SYNJ2: variants seen among roughly 807,000 people sequenced by gnomAD.
SYNJ2 encodes polyphosphatidylinositol phosphatase SYNJ2.
SYNJ2 carries 116 observed loss-of-function variants against 141.3 expected under a neutral mutation model. The ratio of observed to expected loss-of-function variants is 0.82; its 90% CI spans 0.71 to 0.96. SYNJ2 has a LOEUF of 0.96. Among genes scored for constraint, SYNJ2 ranks in the 40% least tolerant of loss-of-function variants. The pLI is 0.00. For missense variants in SYNJ2, 1,873 were observed against 1,934.8 expected (o/e 0.97, Z 0.60); for synonymous variants, 745 against 777.7 (o/e 0.96, Z 0.70).
In SYNJ2 at chr6:158,033,519, A is replaced by T. The variant is rs1779480830; in HGVS notation, c.550A>T (p.Ile184Phe). The change falls in exon 4 of 27, where the codon ATC (isoleucine) becomes TTC (phenylalanine). Residue 184 changes from isoleucine to phenylalanine, a missense_variant. By Grantham distance (21) the Ile-to-Phe change is conservative (BLOSUM62 0). Coordinates refer to ENST00000355585, the MANE Select transcript of SYNJ2 (RefSeq NM_003898.4). Reference protein sequence around the residue: ...QVSCCDWLLKIICGVVTIRTV... With the variant: ...QVSCCDWLLKFICGVVTIRTV... ...GAGCTGCTGTGACTGGCTGCTGAAG[A>T]TCATCTGCGGGGTGGTCACCATCCG... 1 of 1,614,194 alleles carries T rather than the reference A, an allele frequency of 6.2e-7. No individual in the cohort carries two copies. The highest frequency in any genetic ancestry group is 8.5e-7 in the Non-Finnish European group (1 of 1,180,044).
chr6:158,028,647 A>T (rs550949629), intron 2 of SYNJ2, 109 bp from the exon 3 acceptor site: 1 of 1,442,262 alleles, frequency 6.9e-7, no homozygotes, highest in East Asian at 2.3e-5. Context: ...AGGTGCACAG[A>T]CGTTGCCTTC....
At chr6:158,039,809 A>G (rs1388727517) in intron 4 of SYNJ2, among the ~76,000 whole-genome samples, 51 of 152,178 alleles carry the variant, frequency 3.4e-4, no homozygotes, top group African/African-American at 1.2e-3. Context: ...CTCCAGTAGG[A>G]AGGAGGACTG....
intron 4 of SYNJ2, among the ~76,000 whole-genome samples, chr6:158,035,004 T>C (rs562247554): frequency 2.1e-4 from 32 of 152,304 alleles, no homozygotes; most frequent in Non-Finnish European, 4.0e-4. Context: ...TGTACGGCCT[T>C]ATTTCTGGGT....
chr6:158,094,406 A>C (rs1444714711), intron 26 of SYNJ2, among the ~76,000 whole-genome samples: 2 of 151,460 alleles, frequency 1.3e-5, no homozygotes, highest in Non-Finnish European at 2.9e-5. Flanking sequence ...AAAAAAAAAA[A>C]AAAAAAAAAA....
upstream of SYNJ2, among the ~76,000 whole-genome samples, chr6:157,981,702 G>A (rs1001547339): frequency 2.6e-5 from 4 of 151,790 alleles, no homozygotes; most frequent in African/African-American, 7.2e-5. This position sits in a 1 kb window ranked among gnomAD's most constrained non-coding sequence, Gnocchi z 6.4. Flanking sequence ...CCCGGGGCGC[G>A]GCCTCGCGCA....
rs1438646203 is a variant in SYNJ2, at chr6:158,064,911, A to G, written c.1445A>G (p.Lys482Arg). 8.1e-6 allele frequency: 13 copies of G among 1,613,812 alleles called. No homozygotes were observed. The highest frequency in any genetic ancestry group is 1.1e-5 in the Non-Finnish European group (13 of 1,179,896). The change falls in exon 11 of 27, where the codon AAG (lysine) becomes AGG (arginine). Residue 482 changes from lysine (K) to arginine (R), a missense_variant. By Grantham distance (26) the Lys-to-Arg change is conservative. Transcript: ENST00000355585. ...GACGGGGTGAAGCAGGAGGCCATCA[A>G]GCTGCTGCTGGTTGGGGACGTCTAC... ...FFDGVKQEAI[K>R]LLLVGDVYGE...
chr6:158,080,832 A>G (rs1023513058), intron 18 of SYNJ2, among the ~76,000 whole-genome samples: 6 of 152,190 alleles, frequency 3.9e-5, no homozygotes, highest in Admixed American at 3.3e-4. Flanking sequence ...TTCCCCCTCA[A>G]ATCATCTTTA....
intron 12 of SYNJ2, 121 bp from the exon 13 acceptor site, chr6:158,068,526 C>A: frequency 9.5e-7 from 1 of 1,056,126 alleles, no homozygotes; most frequent in Admixed American, 2.2e-5. Flanking sequence ...ATGGTAGCCA[C>A]CTGGAGTTGG....
intron 5 of SYNJ2, 62 bp from the exon 6 acceptor site, chr6:158,054,905 A>T: frequency 6.3e-7 from 1 of 1,575,194 alleles, no homozygotes. Flanking sequence ...AATGGGAAAA[A>T]CCATGGCCTC....
At chr6:158,012,441 C>T (rs73796725) in intron 1 of SYNJ2, among the ~76,000 whole-genome samples, 2,711 of 152,162 alleles carry the variant, frequency 0.018, 78 homozygotes, top group African/African-American at 0.062. Flanking sequence ...AAGAGGGATC[C>T]GATTGCCGCG....
At chr6:158,046,898 A>C (rs750997) in intron 5 of SYNJ2, among the ~76,000 whole-genome samples, 120,278 of 151,462 alleles carry the variant, frequency 0.79, 48,873 homozygotes, top group African/African-American at 0.95. Flanking sequence ...GCTTCCCCCC[A>C]CCATATGCTG....
intron 2 of SYNJ2, among the ~76,000 whole-genome samples, chr6:158,020,351 A>ACTGTGTGACTGACTCCAC (rs1778700634): frequency 7.0e-6 from 1 of 143,212 alleles, no homozygotes; most frequent in African/African-American, 2.7e-5. Context: ...ACTGACTCCA[A>ACTGTGTGACTGACTCCAC]CTGTGTGACT....
intron 1 of SYNJ2, among the ~76,000 whole-genome samples, chr6:157,992,051 G>A (rs897120285): frequency 1.3e-5 from 2 of 152,098 alleles, no homozygotes; most frequent in African/African-American, 4.8e-5. Context: ...TTTTGATACA[G>A]GCATGTAATA....
At position 157,989,654 on chromosome 6, in the gene SYNJ2, G is replaced by A. The variant is rs900313192; in HGVS notation, c.127+7566G>A. 2.6e-5 allele frequency among the ~76,000 whole-genome samples: 4 copies of A among 151,628 alleles called. No homozygotes were observed. The East Asian group carries it at 7.8e-4, about 30-fold the overall frequency. ...CTTGAAGCCCACGCTCCTGGGGGCA[G>A]AGCTGAGCCTCCACACGGATGTCCC... On this transcript the variant is annotated intron_variant, in intron 1 of 26. Coordinates refer to ENST00000355585, the MANE Select transcript of SYNJ2 (RefSeq NM_003898.4).
At chr6:158,065,481 A>G (rs1484492474) in intron 11 of SYNJ2, among the ~76,000 whole-genome samples, 1 of 152,170 alleles carries the variant, frequency 6.6e-6, no homozygotes, top group African/African-American at 2.4e-5. Flanking sequence ...CAGCGGCAAG[A>G]CATCGTGATT....
intron 12 of SYNJ2, chr6:158,067,348 C>A: frequency 1.2e-6 from 1 of 835,314 alleles, no homozygotes; most frequent in Non-Finnish European, 1.4e-6. Context: ...TGACCAAGAA[C>A]AGCTCATCCC....
intron 3 of SYNJ2, among the ~76,000 whole-genome samples, chr6:158,033,212 G>A (rs1003210217): frequency 2.6e-5 from 4 of 152,208 alleles, no homozygotes; most frequent in African/African-American, 7.2e-5. Context: ...CTTTGGGAAA[G>A]GACTCCCTGG....
intron 8 of SYNJ2, 115 bp downstream of exon 8, chr6:158,062,279 G>A: frequency 1.3e-6 from 2 of 1,493,286 alleles, no homozygotes; most frequent in Non-Finnish European, 1.8e-6. Flanking sequence ...GGGCCGTGCA[G>A]TCTAGGACAT....
Position 158,070,673 on chromosome 6 carries a change from C to T in SYNJ2, c.1941-929C>T, listed in dbSNP as rs1781861997. 6.6e-6 allele frequency among the ~76,000 whole-genome samples: 1 copy of T among 152,164 alleles called. No individual in the cohort carries two copies. Among genetic ancestry groups the T allele is most frequent in the South Asian group, 2.1e-4 (1 of 4,830 alleles). ...ACACCCCTTCCATCAGTCATCCCCC[C>T]AACCTTGTCTGCCAGCGAGCAGATG... On this transcript the variant is annotated intron_variant, in intron 14 of 26. Coordinates refer to ENST00000355585, the MANE Select transcript of SYNJ2 (RefSeq NM_003898.4). This position sits in a 1 kb window ranked among gnomAD's most constrained non-coding sequence, Gnocchi z 4.0.
Sources: allele counts gnomAD v4.1 joint callset (sites outside exome capture counted in the v4.1 genomes callset), GRCh38; gene constraint gnomAD v4.1.1; non-coding constraint Gnocchi (gnomAD v3.1); transcripts MANE v1.5; gene names NCBI Gene and HGNC (gene_info 2026-07-23, HGNC 2026-07-21).